Variants in ERC2 observed in about 807,000 individuals in gnomAD.
ERC2 encodes the protein ERC protein 2.
A neutral mutation model predicts 114.8 loss-of-function variants in ERC2; 42 were observed. The observed-to-expected ratio is 0.37, with a 90% CI of 0.29 to 0.47. The LOEUF (loss-of-function observed/expected upper bound fraction) is 0.47. Ranked by LOEUF, ERC2 falls within the 20% of genes least tolerant of loss-of-function variation. The probability of loss-of-function intolerance (pLI) is 0.99; values close to 1 mark genes in which losing one functional copy is unlikely to be tolerated. For missense variants in ERC2, 939 were observed against 1,150.7 expected (o/e 0.82, Z 2.66); for synonymous variants, 454 against 425.5 (o/e 1.07, Z -0.82).
intron 13 of ERC2, among the ~76,000 whole-genome samples, chr3:55,920,439 C>CACACAA (rs1478875272): frequency 7.0e-6 from 1 of 142,860 alleles, no homozygotes; most frequent in Non-Finnish European, 1.6e-5. Flanking sequence ...CACACACACA[C>CACACAA]ACACACACCC....
At chr3:56,325,828 GA>G (rs1429514927) in intron 2 of ERC2, among the ~76,000 whole-genome samples, 41 of 152,322 alleles carry the variant, frequency 2.7e-4, no homozygotes, top group African/African-American at 9.4e-4. Flanking sequence ...GGCTCAAAGA[GA>G]AAAGTCACTT....
intron 17 of ERC2, among the ~76,000 whole-genome samples, chr3:55,522,314 C>T (rs1292782735): frequency 6.6e-6 from 1 of 152,198 alleles, no homozygotes; most frequent in Non-Finnish European, 1.5e-5. Flanking sequence ...GGCCCTAATC[C>T]TCACCTGCAA....
At chr3:55,550,585 T>A (rs977579759) in intron 17 of ERC2, among the ~76,000 whole-genome samples, 2 of 152,206 alleles carry the variant, frequency 1.3e-5, no homozygotes, top group African/African-American at 4.8e-5. Context: ...TATGAATTGT[T>A]CCTTGTTGCA....
At chr3:55,547,723 T>G (rs562319665) in intron 17 of ERC2, among the ~76,000 whole-genome samples, 1 of 152,286 alleles carries the variant, frequency 6.6e-6, no homozygotes, top group South Asian at 2.1e-4. Context: ...GAACCCTCAG[T>G]GCTGCAAATA....
intron 16 of ERC2, among the ~76,000 whole-genome samples, chr3:55,691,655 A>G (rs2062676986): frequency 6.8e-6 from 1 of 147,912 alleles, no homozygotes; most frequent in Admixed American, 6.8e-5. Context: ...GGAAACTGAT[A>G]TTAAAAGCCT....
intron 17 of ERC2, among the ~76,000 whole-genome samples, chr3:55,583,031 G>T (rs529660950): frequency 3.9e-5 from 6 of 152,194 alleles, no homozygotes; most frequent in Non-Finnish European, 7.3e-5. Context: ...AATATTGGCT[G>T]CTTAGCACAG....
chr3:56,085,739 G>GA (rs1173931481), intron 6 of ERC2, among the ~76,000 whole-genome samples: 1 of 152,148 alleles, frequency 6.6e-6, no homozygotes, highest in East Asian at 1.9e-4. Flanking sequence ...TGGATTACTG[G>GA]AATATTGGCA....
intron 10 of ERC2, among the ~76,000 whole-genome samples, chr3:55,996,534 C>T (rs1559993784): frequency 6.6e-6 from 1 of 152,040 alleles, no homozygotes; most frequent in Non-Finnish European, 1.5e-5. Context: ...CTTATAGAAA[C>T]ACAAAAAAAT....
intron 17 of ERC2, among the ~76,000 whole-genome samples, chr3:55,665,805 G>C (rs1276222976): frequency 1.3e-5 from 2 of 152,322 alleles, no homozygotes; most frequent in East Asian, 3.9e-4. Context: ...CCAGAACTGG[G>C]CAAGGGTTCA....
At chr3:55,949,380 A>G (rs1010142205) in intron 13 of ERC2, among the ~76,000 whole-genome samples, 30 of 151,936 alleles carry the variant, frequency 2.0e-4, no homozygotes, top group Admixed American at 1.2e-3. Context: ...AAAAAGAAAA[A>G]AAAAAGTTTT....
intron 17 of ERC2, among the ~76,000 whole-genome samples, chr3:55,546,597 A>G (rs924149137): frequency 2.6e-5 from 4 of 152,208 alleles, no homozygotes; most frequent in Non-Finnish European, 4.4e-5. Flanking sequence ...GAAGCTGTTC[A>G]ATAATGTGTG....
chr3:55,955,025 G>C (rs905186224), intron 12 of ERC2: 3 of 409,944 alleles, frequency 7.3e-6, no homozygotes, highest in Non-Finnish European at 1.5e-5. Context: ...AGGATATACT[G>C]TTACTCAAAA....
intron 7 of ERC2, among the ~76,000 whole-genome samples, chr3:56,021,719 C>T (rs568332448): frequency 1.7e-3 from 265 of 152,308 alleles, no homozygotes; most frequent in African/African-American, 5.8e-3. Flanking sequence ...CCTCTCCCTC[C>T]TCCCACCTTC....
intron 14 of ERC2, among the ~76,000 whole-genome samples, chr3:55,796,953 A>G (rs1559669950): frequency 1.3e-5 from 2 of 152,266 alleles, no homozygotes; most frequent in Admixed American, 6.5e-5. Context: ...CATATGTGAG[A>G]GCAAGTAACA....
intron 15 of ERC2, among the ~76,000 whole-genome samples, chr3:55,733,657 T>C (rs977384608): frequency 6.6e-6 from 1 of 152,170 alleles, no homozygotes; most frequent in African/African-American, 2.4e-5. Flanking sequence ...AGGGTCAATG[T>C]ATGCCTTTTC....
chr3:56,172,031 T>C (rs1381174253), intron 4 of ERC2, among the ~76,000 whole-genome samples: 1 of 127,090 alleles, frequency 7.9e-6, no homozygotes, highest in Non-Finnish European at 1.8e-5. Flanking sequence ...TCATTTTTCC[T>C]CTTTTTTTTT....
At chr3:55,731,138 G>A (rs2065231511) in intron 15 of ERC2, among the ~76,000 whole-genome samples, 1 of 152,210 alleles carries the variant, frequency 6.6e-6, no homozygotes, top group Admixed American at 6.5e-5. Context: ...GCTGGGACCT[G>A]GGGTCCAGGG....
chr3:55,895,246 C>T (rs112697307), intron 13 of ERC2, among the ~76,000 whole-genome samples: 4 of 152,228 alleles, frequency 2.6e-5, no homozygotes, highest in South Asian at 4.2e-4. Flanking sequence ...ATGTTGATGC[C>T]GTGGTCACAC....
chr3:56,021,004 C>T (rs1454298950), intron 7 of ERC2, among the ~76,000 whole-genome samples: 2 of 152,022 alleles, frequency 1.3e-5, no homozygotes, highest in Admixed American at 6.6e-5. Flanking sequence ...ATCTGTTTAT[C>T]TCACATCTAA....
Sources: allele counts gnomAD v4.1 joint callset (sites outside exome capture counted in the v4.1 genomes callset), GRCh38; gene constraint gnomAD v4.1.1; transcripts MANE v1.5; gene names NCBI Gene and HGNC (gene_info 2026-07-23, HGNC 2026-07-21).